Variants in DAB1 observed in about 807,000 individuals in gnomAD.
DAB1 encodes disabled homolog 1.
Under a neutral mutation model 64.6 loss-of-function variants are expected in DAB1, and 15 were observed. The observed-to-expected ratio is 0.23, with a 90% CI of 0.16 to 0.36. The LOEUF (loss-of-function observed/expected upper bound fraction) is 0.36, where lower values mean the gene tolerates loss of function less well. DAB1 is among the 10% of genes least tolerant of loss of function. The pLI is 1.00. For synonymous variants in DAB1, 235 were observed against 251.9 expected (o/e 0.93, Z 0.64); for missense variants, 596 against 706.7 (o/e 0.84, Z 1.78).
intron 3 of DAB1, among the ~76,000 whole-genome samples, chr1:58,478,940 T>A (rs1377851252): frequency 6.6e-6 from 1 of 152,210 alleles, no homozygotes; most frequent in East Asian, 1.9e-4. Flanking sequence ...AGTATATATA[T>A]ACATCTTGTA....
At chr1:58,039,543 T>C (rs118109770) in intron 5 of DAB1, among the ~76,000 whole-genome samples, 1 of 152,284 alleles carries the variant, frequency 6.6e-6, no homozygotes, top group East Asian at 1.9e-4. Flanking sequence ...CATACCAAAA[T>C]AATAACAGAA....
intron 9 of DAB1, among the ~76,000 whole-genome samples, chr1:57,046,345 C>T (rs923736733): frequency 6.6e-6 from 1 of 152,200 alleles, no homozygotes; most frequent in African/African-American, 2.4e-5. Context: ...ACTGCAAAAA[C>T]AAGTTTTGTA....
At chr1:58,305,731 A>G (rs78905618) in intron 4 of DAB1, among the ~76,000 whole-genome samples, 3,937 of 152,300 alleles carry the variant, frequency 0.026, 168 homozygotes, top group African/African-American at 0.085. Flanking sequence ...TTCCCCAAGC[A>G]TCTCTGTTTC....
At chr1:57,619,517 C>G (rs775428580) in intron 7 of DAB1, among the ~76,000 whole-genome samples, 4 of 152,118 alleles carry the variant, frequency 2.6e-5, no homozygotes, top group Non-Finnish European at 4.4e-5. Flanking sequence ...CCTTTCACCT[C>G]AGCCTCCAAT....
intron 3 of DAB1, among the ~76,000 whole-genome samples, chr1:58,373,464 T>A (rs1202182102): frequency 1.3e-5 from 2 of 151,346 alleles, no homozygotes; most frequent in African/African-American, 4.9e-5. Context: ...AGAATGATGG[T>A]TTCCAACTTC....
intron 7 of DAB1, among the ~76,000 whole-genome samples, chr1:57,560,783 C>A (rs1034401464): frequency 6.6e-6 from 1 of 152,266 alleles, no homozygotes; most frequent in Non-Finnish European, 1.5e-5. Flanking sequence ...TTTTGGCATG[C>A]CCCCATAGGT....
At chr1:58,228,914 G>A in intron 4 of DAB1, 1 of 508,284 alleles carries the variant, frequency 2.0e-6, no homozygotes, top group Non-Finnish European at 3.8e-6. Flanking sequence ...GTAGTGTGTA[G>A]AAAATGCAAT....
intron 9 of DAB1, among the ~76,000 whole-genome samples, chr1:57,037,726 C>A (rs1031272437): frequency 2.0e-5 from 3 of 152,154 alleles, no homozygotes; most frequent in Non-Finnish European, 4.4e-5. Flanking sequence ...CTCTTTATCA[C>A]CTTTACCCAA....
rs531421896 is a variant in DAB1, at chr1:57,918,620, A to C, written n.388-34458T>G. On this transcript the variant is annotated intron_variant and non_coding_transcript_variant, in intron 5 of 20. Transcript: ENST00000485760. ...CGGGCAGATCACAAAGTCAGGAGAT[A>C]CAGACCATCCTGGCTAACACAGTGA... Among the ~76,000 whole-genome samples, 1,079 of 152,138 alleles carry C rather than the reference A, an allele frequency of 7.1e-3. 6 individuals are homozygous for C. The highest frequency in any genetic ancestry group is 0.012 in the African/African-American group (517 of 41,494).
At chr1:57,070,908 C>A in intron 7 of DAB1, 115 bp downstream of exon 7, 1 of 928,678 alleles carries the variant, frequency 1.1e-6, no homozygotes, top group Non-Finnish European at 1.8e-6. Flanking sequence ...CAGAAATAAT[C>A]TTGGTCTCTC....
At chr1:57,674,115 T>C (rs1210288436) in intron 6 of DAB1, among the ~76,000 whole-genome samples, 1 of 152,136 alleles carries the variant, frequency 6.6e-6, no homozygotes. Context: ...TTTTTTAAAT[T>C]ATGTGTGTGT....
Position 58,506,281 on chromosome 1 carries a change from T to C in DAB1, n.108-72A>G, listed in dbSNP as rs544067893. 28 of 721,652 alleles carry C rather than the reference T, an allele frequency of 3.9e-5. No individual in the cohort carries two copies. The African/African-American group carries it at 4.8e-4, about 12-fold the overall frequency. The allele number at this position is 721,652 out of a possible 1,614,324, so 44.7% of individuals were successfully genotyped here. ...ATTTTTTAAAAACTACTACTTTATT[T>C]TTTTTTAATTCTATTATAATTATAC... On this transcript the variant is annotated intron_variant and non_coding_transcript_variant, in intron 2 of 20. Coordinates refer to the DAB1 transcript ENST00000485760.
At chr1:57,782,181 C>G (rs1650134316) in intron 6 of DAB1, among the ~76,000 whole-genome samples, 1 of 152,098 alleles carries the variant, frequency 6.6e-6, no homozygotes, top group African/African-American at 2.4e-5. Context: ...AGGTACGCTC[C>G]TTTTCTTCCA....
In DAB1 at chr1:58,296,039, G is replaced by A. The variant is rs1245133021; in HGVS notation, n.309+47313C>T. Among the ~76,000 whole-genome samples, 4 of 146,152 alleles carry A rather than the reference G, an allele frequency of 2.7e-5. 1 individual carries two copies. ...ACCCCAGAGGTGGAGGTTGGAGTGA[G>A]CCGAGATCATGCCACTGCAACTCCA... On this transcript the variant is annotated intron_variant and non_coding_transcript_variant, in intron 4 of 20. Transcript: ENST00000485760.
At chr1:57,157,004 G>C (rs1185210634) in intron 2 of DAB1, among the ~76,000 whole-genome samples, 2 of 152,216 alleles carry the variant, frequency 1.3e-5, no homozygotes, top group African/African-American at 4.8e-5. Flanking sequence ...TCAGGAGTCA[G>C]GATCCGAAGG....
intron 2 of DAB1, among the ~76,000 whole-genome samples, chr1:57,184,686 C>T (rs552554266): frequency 6.6e-6 from 1 of 152,284 alleles, no homozygotes; most frequent in African/African-American, 2.4e-5. Context: ...CCAAATCACA[C>T]CTGGATCATG....
At chr1:57,151,183 A>G (rs1015410362) in intron 2 of DAB1, among the ~76,000 whole-genome samples, 8 of 152,188 alleles carry the variant, frequency 5.3e-5, no homozygotes, top group Non-Finnish European at 2.9e-5. Flanking sequence ...TTAGACCACA[A>G]GGTCTATTAA....
At chr1:58,007,413 T>G (rs529296187) in intron 5 of DAB1, among the ~76,000 whole-genome samples, 37 of 152,172 alleles carry the variant, frequency 2.4e-4, no homozygotes, top group Non-Finnish European at 3.1e-4. Flanking sequence ...AGCTTCAACA[T>G]GTACTTTATT....
At chr1:57,875,943 C>G (rs1369939935) in intron 1 of DAB1, among the ~76,000 whole-genome samples, 2 of 152,154 alleles carry the variant, frequency 1.3e-5, no homozygotes, top group African/African-American at 4.8e-5. Flanking sequence ...ATTTTCTGCT[C>G]CACAGACTCA....
Sources: allele counts gnomAD v4.1 joint callset (sites outside exome capture counted in the v4.1 genomes callset), GRCh38; gene constraint gnomAD v4.1.1; transcripts MANE v1.5; gene names NCBI Gene and HGNC (gene_info 2026-07-23, HGNC 2026-07-21).